The following NUP214 variants were observed in gnomAD, a reference collection of about 807,000 sequenced individuals.
The protein encoded by NUP214 is nucleoporin 214.
Under a neutral mutation model 196.2 loss-of-function variants are expected in NUP214, and 79 were observed. That is an observed-to-expected ratio of 0.40 (90% CI 0.34 to 0.49). The LOEUF is 0.49. Ranked by LOEUF, NUP214 falls within the 20% of genes least tolerant of loss-of-function variation. The pLI, the probability that NUP214 is intolerant of heterozygous loss-of-function variation, is 0.58. For missense variants in NUP214, 2,468 were observed against 2,539.0 expected (o/e 0.97, Z 0.60); for synonymous variants, 1,020 against 990.5 (o/e 1.03, Z -0.56).
intron 31 of NUP214, among the ~76,000 whole-genome samples, chr9:131,219,373 T>G (rs1292179566): frequency 6.6e-6 from 1 of 152,224 alleles, no homozygotes; most frequent in Non-Finnish European, 1.5e-5. Flanking sequence ...GACCCCATTA[T>G]AGAGAGTTAT....
At chr9:131,149,430 G>A (rs1422339733) in intron 14 of NUP214, among the ~76,000 whole-genome samples, 1 of 149,960 alleles carries the variant, frequency 6.7e-6, no homozygotes, top group Admixed American at 6.7e-5. Flanking sequence ...CCAGATGTTT[G>A]CACAAGCCCC....
In NUP214 at chr9:131,174,177, G is replaced by A; in HGVS notation, c.3016G>A (p.Asp1006Asn). ...AGATGCACGGACGTCCTGTAAAGAT[G>A]ACGAGGCAGTGGTTCAGGCCCCTCG... ...SEDARTSCKD[D>N]EAVVQAPRHA... Residue 1006 changes from aspartate (D) to asparagine (N), a missense_variant, in exon 22 of 36, where the codon GAC (aspartate) becomes AAC (asparagine). By Grantham distance (23) the Asp-to-Asn change is conservative. This residue lies in a region of NUP214 where 1,801 missense variants were observed against 1,779.4 expected (regional missense o/e 1.01). Transcript: ENST00000359428. The A allele has an allele frequency of 6.2e-7, 1 of 1,613,944 alleles. No individual in the cohort carries two copies. Among genetic ancestry groups the A allele is most frequent in the Non-Finnish European group, 8.5e-7 (1 of 1,179,966 alleles).
chr9:131,178,250 C>T, intron 23 of NUP214, 61 bp from the exon 24 acceptor site: 1 of 1,353,156 alleles, frequency 7.4e-7, no homozygotes, highest in Non-Finnish European at 1.1e-6. Flanking sequence ...TTATATGTGG[C>T]TAGAACTTTT....
chr9:131,175,784 A>G (rs933997824), intron 23 of NUP214, 163 bp downstream of exon 23: 2 of 1,049,194 alleles, frequency 1.9e-6, no homozygotes, highest in African/African-American at 3.3e-5. Flanking sequence ...GTTCTAAGAA[A>G]GCAGAGACTA....
intron 9 of NUP214, among the ~76,000 whole-genome samples, chr9:131,138,875 TC>T (rs1831820336): frequency 6.6e-6 from 1 of 152,182 alleles, no homozygotes; most frequent in Non-Finnish European, 1.5e-5. Flanking sequence ...CAGCTGGAGT[TC>T]CTGGCCCCAA....
At chr9:131,223,863 T>C (rs1198923535) in intron 32 of NUP214, among the ~76,000 whole-genome samples, 1 of 149,568 alleles carries the variant, frequency 6.7e-6, no homozygotes, top group Non-Finnish European at 1.5e-5. Context: ...GCCTCCCAAG[T>C]AGCTGGGACT....
At chr9:131,184,026 C>CTTTTTTTTTTTTTTTTTTTTTTTTTT (rs776765956) in intron 24 of NUP214, among the ~76,000 whole-genome samples, 9 of 104,362 alleles carry the variant, frequency 8.6e-5, no homozygotes, top group Non-Finnish European at 1.2e-4. Context: ...TTTTCTTTTT[C>CTTTTTTTTTTTTTTTTTTTTTTTTTT]TTTTTTTTTT....
intron 31 of NUP214, 23 bp from the exon 32 acceptor site, chr9:131,222,755 C>A: frequency 6.2e-7 from 1 of 1,605,934 alleles, no homozygotes; most frequent in Non-Finnish European, 8.5e-7. Context: ...CCTCTGACCT[C>A]CCTCACATCT....
chr9:131,166,489 A>G (rs1832789409), intron 21 of NUP214, among the ~76,000 whole-genome samples: 1 of 152,254 alleles, frequency 6.6e-6, no homozygotes, highest in Admixed American at 6.5e-5. Flanking sequence ...GGAGGAATTC[A>G]GACATTAAGC....
intron 23 of NUP214, among the ~76,000 whole-genome samples, chr9:131,176,977 A>C (rs781660123): frequency 2.0e-5 from 3 of 152,182 alleles, no homozygotes; most frequent in Admixed American, 6.5e-5. Context: ...CACCCCCACA[A>C]CAAAGGGTTA....
intron 27 of NUP214, among the ~76,000 whole-genome samples, chr9:131,192,941 C>CA (rs34653431): frequency 0.28 from 8,700 of 31,004 alleles, 2,338 homozygotes; most frequent in Non-Finnish European, 0.35. Flanking sequence ...ACCCCGTCTC[C>CA]AAAAAAAAAA....
intron 30 of NUP214, among the ~76,000 whole-genome samples, chr9:131,213,221 A>G (rs1230237864): frequency 6.6e-6 from 1 of 150,404 alleles, no homozygotes; most frequent in East Asian, 1.9e-4. Context: ...TGTTGCCCAG[A>G]CTGAAGTTCA....
chr9:131,233,020 T>A (rs352962), intron 35 of NUP214: 143,546 of 150,864 alleles, frequency 0.95, 68,514 homozygotes, highest in Non-Finnish European at 0.99. Context: ...AAGAAAAAAA[T>A]ATATATACTG....
intron 34 of NUP214, among the ~76,000 whole-genome samples, chr9:131,231,245 T>A (rs908190093): frequency 2.6e-5 from 4 of 151,948 alleles, no homozygotes; most frequent in Non-Finnish European, 2.9e-5. Context: ...CAGGATGGAG[T>A]GCAGTGGCAC....
intron 24 of NUP214, among the ~76,000 whole-genome samples, chr9:131,183,774 A>C (rs1833358983): frequency 6.6e-6 from 1 of 152,180 alleles, no homozygotes; most frequent in African/African-American, 2.4e-5. Flanking sequence ...TGTAGATATA[A>C]AAAAGATAGT....
chr9:131,167,370 ATTTG>A (rs1832813922), intron 21 of NUP214: 1 of 151,992 alleles, frequency 6.6e-6, no homozygotes, highest in African/African-American at 2.4e-5. Context: ...AATATGCTGT[ATTTG>A]TTTATTCATT....
At chr9:131,196,341 T>C (rs1833790227) in intron 28 of NUP214, among the ~76,000 whole-genome samples, 1 of 151,964 alleles carries the variant, frequency 6.6e-6, no homozygotes, top group South Asian at 2.1e-4. Context: ...GTATTTTTAG[T>C]AGAGACAGGG....
rs752729378 is a variant in NUP214, at chr9:131,228,167, C to T, written c.5910C>T (p.Phe1970=). ...GFSSPNKTGG[F]GAAPVFGSPP... Reference sequence around the variant, plus strand: ...TGCCTCTGTTTTGCTCAGGTGGCTTCGGTGCTGCTCCAGTGTTTGGCAGCC... The same window carrying T: ...TGCCTCTGTTTTGCTCAGGTGGCTTTGGTGCTGCTCCAGTGTTTGGCAGCC... The change falls in exon 33 of 36, where the codon TTC becomes TTT. Residue 1970 remains phenylalanine (F), a synonymous_variant. Coordinates refer to ENST00000359428, the MANE Select transcript of NUP214 (RefSeq NM_005085.4). 21 of 1,579,984 alleles carry T rather than the reference C, an allele frequency of 1.3e-5. No individual in the cohort carries two copies. The highest frequency in any genetic ancestry group is 4.6e-5 in the South Asian group (4 of 86,662).
rs553327069 is a variant in NUP214, at chr9:131,133,527, C to T, written c.831+318C>T. 4 of 176,488 alleles carry T rather than the reference C, an allele frequency of 2.3e-5. No homozygotes were observed. The East Asian group carries it at 5.8e-4, about 25-fold the overall frequency. The allele number at this position is 176,488 out of a possible 1,614,324, so 10.9% of individuals were successfully genotyped here. A position where few individuals can be genotyped will look rare whatever the true frequency, so the allele number is the denominator to read the frequency against. ...CCATGTTGCCCAGGCTGGTCTTGAA[C>T]TCCTGAGCTCAAGTGATCTGCCCAC... is the stretch of plus-strand genomic sequence containing the variant. On this transcript the variant is annotated intron_variant, in intron 7 of 35. Transcript: ENST00000359428.
Sources: gnomAD v4.1 joint callset for allele counts (sites outside exome capture counted in the v4.1 genomes callset) on GRCh38, gnomAD v4.1.1 for gene constraint, gnomAD v4.1.1 regional missense constraint, MANE v1.5 for transcripts, NCBI Gene and HGNC (gene_info 2026-07-23, HGNC 2026-07-21) for gene names.